Variants in DNAJC1 observed in about 807,000 individuals in gnomAD.
DNAJC1 encodes DnaJ heat shock protein family (Hsp40) member C1.
In DNAJC1, 58 loss-of-function variants were observed where a neutral mutation model predicts 76.6. The ratio of observed to expected loss-of-function variants is 0.76; its 90% CI spans 0.61 to 0.94. DNAJC1 has a LOEUF of 0.94. Ranked by LOEUF, DNAJC1 falls within the 40% of genes least tolerant of loss-of-function variation. DNAJC1 has a pLI of 0.00. For missense variants in DNAJC1, 689 were observed against 677.3 expected (o/e 1.02, Z -0.19); for synonymous variants, 258 against 267.9 (o/e 0.96, Z 0.36).
intron 9 of DNAJC1, among the ~76,000 whole-genome samples, chr10:21,794,039 C>T (rs1449763509): frequency 2.0e-5 from 3 of 152,134 alleles, no homozygotes; most frequent in Non-Finnish European, 2.9e-5. Context: ...CTTTGGGAGG[C>T]TGAGGCGGGA....
chr10:21,772,850 G>C (rs139382014), intron 9 of DNAJC1, among the ~76,000 whole-genome samples: 3,356 of 152,250 alleles, frequency 0.022, 67 homozygotes, highest in Middle Eastern at 0.065. Flanking sequence ...TGTACAGGAA[G>C]CGTGGCAGCA....
chr10:21,851,538 G>C (rs989488244), intron 8 of DNAJC1, among the ~76,000 whole-genome samples: 1 of 152,186 alleles, frequency 6.6e-6, no homozygotes, highest in Non-Finnish European at 1.5e-5. Context: ...TTGCTAGTGA[G>C]AATGTAAAAT....
At chr10:21,839,994 C>T (rs1157097868) in intron 8 of DNAJC1, among the ~76,000 whole-genome samples, 1 of 152,132 alleles carries the variant, frequency 6.6e-6, no homozygotes, top group Non-Finnish European at 1.5e-5. Context: ...GAACCAAAGA[C>T]AAAAACCACA....
chr10:21,916,040 T>A (rs1772878884), intron 6 of DNAJC1, among the ~76,000 whole-genome samples: 1 of 152,080 alleles, frequency 6.6e-6, no homozygotes. Context: ...GAAAGCCAAT[T>A]ATGAAAGACT....
At chr10:21,906,429 G>GTGAA (rs1836746962) in intron 6 of DNAJC1, among the ~76,000 whole-genome samples, 1 of 152,116 alleles carries the variant, frequency 6.6e-6, no homozygotes, top group Non-Finnish European at 1.5e-5. Context: ...ATACCTTGGT[G>GTGAA]TGAATGAATG....
At chr10:21,814,989 A>G (rs533957999) in intron 8 of DNAJC1, among the ~76,000 whole-genome samples, 2 of 152,330 alleles carry the variant, frequency 1.3e-5, no homozygotes, top group South Asian at 4.1e-4. Context: ...GACTCACCAA[A>G]GGTCACACTG....
intron 9 of DNAJC1, among the ~76,000 whole-genome samples, chr10:21,799,141 T>C (rs910173871): frequency 6.6e-6 from 1 of 152,218 alleles, no homozygotes; most frequent in East Asian, 1.9e-4. Context: ...ATGTAAGATA[T>C]TACATAATTA....
chr10:21,923,471 T>C (rs751815105), intron 3 of DNAJC1, among the ~76,000 whole-genome samples: 4 of 151,964 alleles, frequency 2.6e-5, no homozygotes, highest in Admixed American at 6.6e-5. Flanking sequence ...TATTTAAACA[T>C]ATAACACTGT....
intron 8 of DNAJC1, among the ~76,000 whole-genome samples, chr10:21,817,430 T>C (rs1240210870): frequency 6.6e-6 from 1 of 152,108 alleles, no homozygotes; most frequent in East Asian, 1.9e-4. Context: ...GTATTTTTTT[T>C]CCCCTCATTT....
chr10:21,769,627 A>G (rs768788648), intron 9 of DNAJC1, among the ~76,000 whole-genome samples: 1 of 152,220 alleles, frequency 6.6e-6, no homozygotes, highest in Non-Finnish European at 1.5e-5. Context: ...TAAATCTCTC[A>G]GAGGTCTCCT....
At chr10:21,940,947 GAGATT>G (rs1406524588) in intron 1 of DNAJC1, among the ~76,000 whole-genome samples, 1 of 151,838 alleles carries the variant, frequency 6.6e-6, no homozygotes, top group Non-Finnish European at 1.5e-5. Flanking sequence ...TTATAATAAA[GAGATT>G]TAAGAGACAG....
chr10:21,767,381 T>G (rs1159365441), intron 9 of DNAJC1, among the ~76,000 whole-genome samples: 1 of 152,252 alleles, frequency 6.6e-6, no homozygotes, highest in Non-Finnish European at 1.5e-5. Flanking sequence ...GTCTTTGAGA[T>G]CTACATACAG....
At chr10:21,770,483 C>T (rs577965829) in intron 9 of DNAJC1, among the ~76,000 whole-genome samples, 4 of 150,880 alleles carry the variant, frequency 2.7e-5, no homozygotes, top group African/African-American at 9.7e-5. Context: ...CTGCAGCCTC[C>T]GCCTCCAAGG....
At chr10:21,881,956 C>T (rs1232141059) in intron 8 of DNAJC1, among the ~76,000 whole-genome samples, 12 of 151,548 alleles carry the variant, frequency 7.9e-5, no homozygotes, top group Admixed American at 4.6e-4. Context: ...AGATCAAAAC[C>T]ATCCTGGCTA....
chr10:21,994,745 C>T (rs766014130), intron 1 of DNAJC1, among the ~76,000 whole-genome samples: 2 of 151,878 alleles, frequency 1.3e-5, no homozygotes, highest in Non-Finnish European at 2.9e-5. Flanking sequence ...AAGCCGAGAT[C>T]GCGCCACTGC....
intron 6 of DNAJC1, among the ~76,000 whole-genome samples, chr10:21,908,493 G>GGA (rs930783825): frequency 1.3e-5 from 2 of 148,604 alleles, no homozygotes; most frequent in Non-Finnish European, 3.0e-5. Flanking sequence ...TTTTCATGGG[G>GGA]GGGGGGTGAA....
chr10:21,916,258 G>T (rs1836953683), intron 6 of DNAJC1, among the ~76,000 whole-genome samples: 1 of 152,176 alleles, frequency 6.6e-6, no homozygotes, highest in Non-Finnish European at 1.5e-5. Flanking sequence ...CTTTGGCTGA[G>T]GTGGGCGGAT....
chr10:21,879,489 T>C (rs949779951), intron 8 of DNAJC1, among the ~76,000 whole-genome samples: 2 of 152,102 alleles, frequency 1.3e-5, no homozygotes, highest in Admixed American at 6.5e-5. Flanking sequence ...CAGGGCGTGA[T>C]TGCGCTTGCC....
intron 8 of DNAJC1, among the ~76,000 whole-genome samples, chr10:21,838,989 C>T (rs1180427198): frequency 6.6e-6 from 1 of 152,178 alleles, no homozygotes; most frequent in Admixed American, 6.5e-5. Context: ...ACAACCTGCT[C>T]CTGAATGACT....
Sources: gnomAD v4.1 joint callset for allele counts (sites outside exome capture counted in the v4.1 genomes callset) on GRCh38, gnomAD v4.1.1 for gene constraint, MANE v1.5 for transcripts, NCBI Gene and HGNC (gene_info 2026-07-23, HGNC 2026-07-21) for gene names.